The following POU6F2 variants were observed in gnomAD, a reference collection of about 807,000 sequenced individuals.
POU6F2 encodes the protein POU class 6 homeobox 2.
In POU6F2, 31 loss-of-function variants were observed where a neutral mutation model predicts 71.3. The ratio of observed to expected loss-of-function variants is 0.43; its 90% CI spans 0.33 to 0.59. The LOEUF is 0.59. Among genes scored for constraint, POU6F2 ranks in the 20% least tolerant of loss-of-function variants. The probability of loss-of-function intolerance (pLI) is 0.04; values close to 1 mark genes in which losing one functional copy is unlikely to be tolerated. For synonymous variants in POU6F2, 347 were observed against 355.7 expected (o/e 0.98, Z 0.27); for missense variants, 783 against 856.8 (o/e 0.91, Z 1.07).
intron 4 of POU6F2, among the ~76,000 whole-genome samples, chr7:39,303,853 A>G (rs1483660873): frequency 1.3e-5 from 2 of 152,254 alleles, no homozygotes; most frequent in Admixed American, 1.3e-4. Context: ...CAAGAAATAT[A>G]ATACATGAAA....
intron 4 of POU6F2, among the ~76,000 whole-genome samples, chr7:39,222,327 A>G (rs1183497624): frequency 1.3e-5 from 2 of 152,250 alleles, no homozygotes; most frequent in Non-Finnish European, 2.9e-5. Flanking sequence ...CTAAGGATCC[A>G]TTATTCAGTC....
chr7:39,395,143 A>T (rs1214307520), intron 5 of POU6F2, among the ~76,000 whole-genome samples: 1 of 152,152 alleles, frequency 6.6e-6, no homozygotes, highest in South Asian at 2.1e-4. Flanking sequence ...ACATCTGATC[A>T]TGTCCCTCCA....
intron 2 of POU6F2, among the ~76,000 whole-genome samples, chr7:39,153,727 C>T (rs1389507204): frequency 2.6e-5 from 4 of 152,058 alleles, no homozygotes; most frequent in Non-Finnish European, 4.4e-5. Flanking sequence ...CATCTCTGTA[C>T]GTTGCTTGTT....
At chr7:39,432,693 G>C (rs951654770) in intron 6 of POU6F2, among the ~76,000 whole-genome samples, 1 of 152,084 alleles carries the variant, frequency 6.6e-6, no homozygotes, top group Non-Finnish European at 1.5e-5. Context: ...CCGGGGTTGG[G>C]GGGTGGTGGG....
At chr7:39,404,052 A>G (rs1457962414) in intron 5 of POU6F2, among the ~76,000 whole-genome samples, 1 of 152,206 alleles carries the variant, frequency 6.6e-6, no homozygotes, top group African/African-American at 2.4e-5. Context: ...TTGCTTCATT[A>G]AGAGGGAAAG....
chr7:39,273,997 A>G (rs1784388095), intron 4 of POU6F2, among the ~76,000 whole-genome samples: 1 of 152,204 alleles, frequency 6.6e-6, no homozygotes, highest in South Asian at 2.1e-4. Context: ...CTTATTTTTA[A>G]CAAATTTAAT....
At chr7:39,046,933 C>T (rs978724367) in intron 1 of POU6F2, among the ~76,000 whole-genome samples, 1 of 151,858 alleles carries the variant, frequency 6.6e-6, no homozygotes, top group Non-Finnish European at 1.5e-5. Context: ...ATCCACTTGT[C>T]CCAGCACCAT....
At chr7:39,250,520 T>G (rs1783895525) in intron 4 of POU6F2, among the ~76,000 whole-genome samples, 1 of 152,226 alleles carries the variant, frequency 6.6e-6, no homozygotes, top group Non-Finnish European at 1.5e-5. Context: ...TGGCCCTGTT[T>G]GAGATCTCCT....
chr7:39,452,765 G>T (rs759031481), intron 8 of POU6F2, among the ~76,000 whole-genome samples: 2 of 152,226 alleles, frequency 1.3e-5, no homozygotes, highest in Non-Finnish European at 2.9e-5. Flanking sequence ...GGGTGGGGAA[G>T]AAAATGGAAT....
chr7:39,208,011 T>C (rs2128746049), intron 4 of POU6F2, among the ~76,000 whole-genome samples: 1 of 152,334 alleles, frequency 6.6e-6, no homozygotes, highest in South Asian at 2.1e-4. Context: ...CTTTTTTGTG[T>C]TTGAAGTGAT....
chr7:39,323,750 CATT>C (rs1188405179), intron 4 of POU6F2, among the ~76,000 whole-genome samples: 1 of 151,562 alleles, frequency 6.6e-6, no homozygotes, highest in African/African-American at 2.4e-5. Flanking sequence ...GGCTTGATAA[CATT>C]AGTTAATTTA....
intron 3 of POU6F2, among the ~76,000 whole-genome samples, chr7:39,206,523 G>A (rs1394546768): frequency 3.9e-5 from 6 of 152,144 alleles, no homozygotes; most frequent in Non-Finnish European, 8.8e-5. Flanking sequence ...TTCTGTTTTA[G>A]ATCTTGTCAT....
At chr7:39,274,007 T>C (rs1277532632) in intron 4 of POU6F2, among the ~76,000 whole-genome samples, 1 of 152,200 alleles carries the variant, frequency 6.6e-6, no homozygotes, top group African/African-American at 2.4e-5. Flanking sequence ...ACAAATTTAA[T>C]TTATATAATG....
At chr7:39,179,670 T>C (rs1793401555) in intron 2 of POU6F2, among the ~76,000 whole-genome samples, 1 of 152,212 alleles carries the variant, frequency 6.6e-6, no homozygotes, top group Non-Finnish European at 1.5e-5. Flanking sequence ...CGCCGGCTCA[T>C]AGACCATGCT....
At chr7:39,248,329 C>G (rs1308963313) in intron 4 of POU6F2, among the ~76,000 whole-genome samples, 1 of 152,076 alleles carries the variant, frequency 6.6e-6, no homozygotes, top group African/African-American at 2.4e-5. Flanking sequence ...CCAAACAAAA[C>G]AGCTTGAGAA....
chr7:39,286,882 C>T (rs899624816), intron 4 of POU6F2, among the ~76,000 whole-genome samples: 20 of 152,070 alleles, frequency 1.3e-4, no homozygotes, highest in African/African-American at 4.6e-4. Flanking sequence ...CCCACCTCGT[C>T]CTCCCAAAGT....
At chr7:39,149,292 G>T (rs575727742) in intron 2 of POU6F2, among the ~76,000 whole-genome samples, 2 of 152,142 alleles carry the variant, frequency 1.3e-5, no homozygotes, top group Non-Finnish European at 2.9e-5. Flanking sequence ...TCTATATCCA[G>T]CCATGTACTT....
At chr7:38,993,146 T>C (rs1050032843) in intron 1 of POU6F2, among the ~76,000 whole-genome samples, 2 of 152,212 alleles carry the variant, frequency 1.3e-5, no homozygotes, top group African/African-American at 4.8e-5. Context: ...AATAGTAATA[T>C]TTGATCACTT....
At chr7:39,430,169 T>C (rs1029290834) in intron 6 of POU6F2, among the ~76,000 whole-genome samples, 4 of 152,244 alleles carry the variant, frequency 2.6e-5, no homozygotes, top group African/African-American at 9.6e-5. Flanking sequence ...CAACATATTG[T>C]GATACATTCG....
Sources: allele counts gnomAD v4.1 joint callset (sites outside exome capture counted in the v4.1 genomes callset), GRCh38; gene constraint gnomAD v4.1.1; transcripts MANE v1.5; gene names NCBI Gene and HGNC (gene_info 2026-07-23, HGNC 2026-07-21).